EPG5: variants seen among roughly 807,000 people sequenced by gnomAD.
The protein encoded by EPG5 is ectopic P granules protein 5 homolog.
A neutral mutation model predicts 302.7 loss-of-function variants in EPG5; 159 were observed. The observed-to-expected ratio is 0.53, with a 90% confidence interval of 0.46 to 0.60. EPG5 has a LOEUF of 0.60. Ranked by LOEUF, EPG5 falls within the 20% of genes least tolerant of loss-of-function variation. EPG5 has a pLI of 0.00. For missense variants in EPG5, 2,896 were observed against 3,092.4 expected, an observed-to-expected ratio of 0.94 and a Z score of 1.51; for synonymous variants, 1,158 against 1,136.8, an observed-to-expected ratio of 1.02 and a Z score of -0.37.
At chr18:45,966,391 A>AATACAT (rs2051262261) in intron 1 of EPG5, among the ~76,000 whole-genome samples, 1 of 148,114 alleles carries the variant, frequency 6.8e-6, no homozygotes, top group South Asian at 2.1e-4. Context: ...AAAAAAAAAA[A>AATACAT]ATACATATAC....
At position 45,967,224 on chromosome 18, in the gene EPG5, T is replaced by C; in HGVS notation, c.16A>G (p.Lys6Glu). The C allele has an allele frequency of 6.2e-7, 1 of 1,604,436 alleles. No individual in the cohort carries two copies. ...TTGGCCTTGGCCCGGCGCTGGGGCTTCACCGCCTCGGCCATAGACCCTTCC... is the reference window on the plus strand; with the variant it reads ...TTGGCCTTGGCCCGGCGCTGGGGCTCCACCGCCTCGGCCATAGACCCTTCC... MAEAV[K>E]PQRRAKAKAS... Residue 6 changes from lysine to glutamate, a missense_variant, in exon 1 of 44, where the codon AAG becomes GAG. Around this residue, in one of 5 missense-constraint regions of EPG5, gnomAD observed 1,390 missense variants for 1,430.0 expected, o/e 0.97. Transcript: ENST00000282041.
Position 45,928,890 on chromosome 18 carries a change from C to G in EPG5, c.2532G>C (p.Glu844Asp), listed in dbSNP as rs3744999. 0.047 allele frequency: 75,803 copies of G among 1,613,506 alleles called. 2,458 individuals carry two copies. Among genetic ancestry groups the G allele is most frequent in the South Asian group, 0.13 (12,269 of 90,984 alleles). The change falls in exon 13 of 44, where the codon GAG (glutamate) becomes GAC (aspartate). Residue 844 changes from glutamate to aspartate, a missense_variant. Transcript: ENST00000282041. ...TTACCATTCCAACCTGGTCAATGGT[C>G]TCTTGAACTCTATCCAGAAGGACGG... Reference protein sequence around the residue: ...IISVLLDRVQETIDQVGMVSL... With the variant: ...IISVLLDRVQDTIDQVGMVSL...
chr18:45,919,473 A>C (rs890075372), intron 16 of EPG5, among the ~76,000 whole-genome samples: 1 of 152,090 alleles, frequency 6.6e-6, no homozygotes, highest in African/African-American at 2.4e-5. Flanking sequence ...TGCACTCAAG[A>C]GAATCACGTC....
chr18:45,831,170 C>T, the EPG5 span, among the ~76,000 whole-genome samples: 1 of 152,168 alleles, frequency 6.6e-6, no homozygotes, highest in Non-Finnish European at 1.5e-5. Context: ...GGCAGTGAAC[C>T]CCTCCATGGT....
chr18:45,865,536 C>G (rs2048725644), intron 39 of EPG5, 79 bp downstream of exon 39: 2 of 1,466,852 alleles, frequency 1.4e-6, no homozygotes, highest in Admixed American at 1.8e-5. Context: ...TCCTGAACAT[C>G]CTCCTGATCT....
chr18:45,934,095 C>A (rs2050462508), intron 11 of EPG5, among the ~76,000 whole-genome samples: 1 of 152,008 alleles, frequency 6.6e-6, no homozygotes, highest in Non-Finnish European at 1.5e-5. Flanking sequence ...TCAAGACCAG[C>A]CTGGGCAACA....
intron 43 of EPG5, among the ~76,000 whole-genome samples, chr18:45,853,084 A>G (rs2048448031): frequency 6.6e-6 from 1 of 152,228 alleles, no homozygotes; most frequent in African/African-American, 2.4e-5. Flanking sequence ...CGGAAATCCC[A>G]GGCACCAGCC....
At chr18:45,810,330 T>C in the EPG5 span, among the ~76,000 whole-genome samples, 13 of 152,036 alleles carry the variant, frequency 8.6e-5, no homozygotes, top group African/African-American at 2.7e-4. Flanking sequence ...TTCCACAAGA[T>C]GGAGAAAGAA....
the EPG5 span, among the ~76,000 whole-genome samples, chr18:45,815,512 C>A: frequency 6.6e-6 from 1 of 151,766 alleles, no homozygotes; most frequent in Non-Finnish European, 1.5e-5. Context: ...AGCAGAGAAT[C>A]AAATCAAGAA....
At chr18:45,889,285 G>C (rs1161504471) in intron 28 of EPG5, among the ~76,000 whole-genome samples, 1 of 152,178 alleles carries the variant, frequency 6.6e-6, no homozygotes, top group Non-Finnish European at 1.5e-5. Flanking sequence ...AAAGCCAAAA[G>C]AAAACGATGG....
At chr18:45,959,721 T>C (rs1190615712) in intron 1 of EPG5, among the ~76,000 whole-genome samples, 2 of 152,128 alleles carry the variant, frequency 1.3e-5, no homozygotes, top group East Asian at 3.8e-4. Flanking sequence ...GGCTCATGCC[T>C]GTAATACCAG....
chr18:45,914,967 A>AT (rs1337254018), intron 20 of EPG5, among the ~76,000 whole-genome samples: 4 of 50,268 alleles, frequency 8.0e-5, no homozygotes, highest in Admixed American at 4.1e-4. Context: ...ATGTTTTTTA[A>AT]TTTAAAAAAA....
In EPG5 at chr18:45,866,936, G is replaced by T. The variant is rs1413653727; in HGVS notation, c.6483C>A (p.Tyr2161Ter). 6.2e-7 allele frequency: 1 copy of T among 1,614,146 alleles called. No homozygotes were observed. Among genetic ancestry groups the T allele is most frequent in the Non-Finnish European group, 8.5e-7 (1 of 1,179,996 alleles). The change falls in exon 38 of 44, where the codon TAC (tyrosine) becomes TAA (stop). Residue 2161 changes from tyrosine (Y) to a stop codon, truncating the protein, a stop_gained. Transcript: ENST00000282041. LOFTEE classifies it high-confidence loss of function. ...LSWHLVDIVS[Y>*]QSVLSYFSSH... Reference sequence around the variant, plus strand: ...TGCTGAAATAACTTAGCACACTCTGGTACGACACAATATCCACAAGATGCC... The same window carrying T: ...TGCTGAAATAACTTAGCACACTCTGTTACGACACAATATCCACAAGATGCC...
the EPG5 span, among the ~76,000 whole-genome samples, chr18:45,839,835 T>C: frequency 1.3e-5 from 2 of 152,182 alleles, no homozygotes; most frequent in Admixed American, 1.3e-4. Flanking sequence ...AGGGAGCTTC[T>C]TGGAGCCCCT....
At chr18:45,949,426 T>C in intron 5 of EPG5, 58 bp downstream of exon 5, 1 of 934,832 alleles carries the variant, frequency 1.1e-6, no homozygotes, top group East Asian at 2.5e-5. Flanking sequence ...TCTTCAGGAA[T>C]AATGTCTAAT....
chr18:45,832,884 G>C, the EPG5 span, among the ~76,000 whole-genome samples: 1 of 152,094 alleles, frequency 6.6e-6, no homozygotes, highest in African/African-American at 2.4e-5. Flanking sequence ...TGAGTCCTCT[G>C]GGCAGCCTTA....
the EPG5 span, among the ~76,000 whole-genome samples, chr18:45,827,767 C>T: frequency 6.6e-6 from 1 of 152,174 alleles, no homozygotes; most frequent in Admixed American, 6.5e-5. Context: ...TTCAAGAGAG[C>T]CGAGGCTTTG....
chr18:45,903,111 A>G lies in EPG5; in HGVS notation c.4474+862T>C, dbSNP rs1349258766. Among the ~76,000 whole-genome samples, 4 of 150,224 alleles carry G rather than the reference A, an allele frequency of 2.7e-5. 1 individual carries two copies. Among genetic ancestry groups the G allele is most frequent in the African/African-American group, 9.9e-5 (4 of 40,356 alleles). ...TTTAATAGTTCCCAGATCTGTTCAT[A>G]TATTTCTTCTTCTTAACAAACTTTC... On this transcript the variant is annotated intron_variant, in intron 25 of 43. Transcript: ENST00000282041.
intron 16 of EPG5, 50 bp downstream of exon 16, chr18:45,922,291 G>C: frequency 6.3e-7 from 1 of 1,586,578 alleles, no homozygotes; most frequent in Non-Finnish European, 8.6e-7. Context: ...TAAAATTCTA[G>C]AACTATCTGC....
Sources: allele counts gnomAD v4.1 joint callset (sites outside exome capture counted in the v4.1 genomes callset), GRCh38; gene constraint gnomAD v4.1.1; regional missense constraint gnomAD v4.1.1; transcripts MANE v1.5; gene names NCBI Gene and HGNC (gene_info 2026-07-23, HGNC 2026-07-21).